The following NIPAL3 variants were observed in gnomAD, a reference collection of about 807,000 sequenced individuals.
NIPAL3 encodes the protein NIPA-like protein 3.
NIPAL3 carries 41 observed loss-of-function variants against 47.2 expected under a neutral mutation model. The observed-to-expected ratio is 0.87, with a 90% CI of 0.68 to 1.13. NIPAL3 has a LOEUF of 1.13. Ranked by LOEUF, NIPAL3 falls within the 50% of genes most tolerant of loss-of-function variation. The pLI, the probability that NIPAL3 is intolerant of heterozygous loss-of-function variation, is 0.00. For missense variants in NIPAL3, 449 were observed against 530.1 expected (o/e 0.85, Z 1.50); for synonymous variants, 194 against 209.6 (o/e 0.93, Z 0.64).
At chr1:24,434,815 G>C (rs985454986) in intron 2 of NIPAL3, among the ~76,000 whole-genome samples, 2 of 151,958 alleles carry the variant, frequency 1.3e-5, no homozygotes, top group Non-Finnish European at 2.9e-5. Context: ...TCACAAACAT[G>C]TATAAATTTA....
Position 24,449,244 on chromosome 1 carries a change from G to A in NIPAL3, c.395-237G>A, listed in dbSNP as rs1645815970. On this transcript the variant is annotated intron_variant, in intron 5 of 11. Coordinates refer to ENST00000374399, the MANE Select transcript of NIPAL3 (RefSeq NM_020448.5). This position sits in a 1 kb window ranked among gnomAD's most constrained non-coding sequence, Gnocchi z 4.5. ...TGTTCACTTTGGGAGAATTCCTCAA[G>A]CACTTTTTGTATGCATGTTATACTT... Among the ~76,000 whole-genome samples the A allele has an allele frequency of 6.6e-6, 1 of 152,108 alleles. No individual in the cohort carries two copies. Among genetic ancestry groups the A allele is most frequent in the African/African-American group, 2.4e-5 (1 of 41,410 alleles).
At chr1:24,442,521 CAG>C (rs1310225922) in intron 4 of NIPAL3, among the ~76,000 whole-genome samples, 12 of 152,204 alleles carry the variant, frequency 7.9e-5, no homozygotes, top group Admixed American at 6.5e-4. Context: ...TAGTGAGTAA[CAG>C]GGCTGGGATA....
At chr1:24,425,868 G>GC (rs1243960732) in intron 2 of NIPAL3, among the ~76,000 whole-genome samples, 1 of 152,090 alleles carries the variant, frequency 6.6e-6, no homozygotes, top group Admixed American at 6.5e-5. Flanking sequence ...GCCTTCCAGC[G>GC]CAAGTGTCAC....
At chr1:24,448,006 C>T (rs1645753282) in intron 5 of NIPAL3, among the ~76,000 whole-genome samples, 1 of 152,238 alleles carries the variant, frequency 6.6e-6, no homozygotes, top group Non-Finnish European at 1.5e-5. Context: ...GAGTAAGACC[C>T]ATCCCTGCCT....
chr1:24,468,554 G>T (rs1303032204), intron 11 of NIPAL3, among the ~76,000 whole-genome samples: 1 of 152,188 alleles, frequency 6.6e-6, no homozygotes, highest in Non-Finnish European at 1.5e-5. Context: ...GGATGCATCT[G>T]TCACCTTCAG....
At position 24,416,244 on chromosome 1, in the gene NIPAL3, G is replaced by C; in HGVS notation, c.-258+340G>C. On this transcript the variant is annotated intron_variant, in intron 1 of 11. Coordinates refer to ENST00000374399, the MANE Select transcript of NIPAL3 (RefSeq NM_020448.5). This position sits in a 1 kb window ranked among gnomAD's most constrained non-coding sequence, Gnocchi z 4.8. ...GGTGGAGTTAGCAGGTGGGATGAGG[G>C]GAGGCGTTCTTGGTCTAAGCCCGCT... The C allele has an allele frequency of 1.0e-6, 1 of 985,510 alleles. No homozygotes were observed. The highest frequency in any genetic ancestry group is 1.2e-6 in the Non-Finnish European group (1 of 830,024). The allele number at this position is 985,510 out of a possible 1,614,324, so 61.0% of individuals were successfully genotyped here.
At chr1:24,453,927 C>T in intron 7 of NIPAL3, 1 of 425,114 alleles carries the variant, frequency 2.4e-6, no homozygotes, top group Non-Finnish European at 4.6e-6. Context: ...AAAGGTAAAA[C>T]TAGATTTTGT....
intron 2 of NIPAL3, among the ~76,000 whole-genome samples, chr1:24,421,082 C>G (rs190371704): frequency 9.2e-5 from 14 of 152,124 alleles, no homozygotes; most frequent in Non-Finnish European, 1.6e-4. Flanking sequence ...CTTTGGGAAG[C>G]CAAGACGGGT....
chr1:24,445,734 T>TC lies in NIPAL3; in HGVS notation c.394+496dup, dbSNP rs920707370. On this transcript the variant is annotated intron_variant, in intron 5 of 11. Transcript: ENST00000374399. The stretch of plus-strand genomic sequence containing the variant: ...AGCTCCCAGTCAGACCTTGGGCGGG[T>TC]CCCCCCAAGAAACACTTGGGTTTAC... Among the ~76,000 whole-genome samples the TC allele has an allele frequency of 6.6e-5, 10 of 151,862 alleles. No individual in the cohort carries two copies. The East Asian group carries it at 1.9e-3, about 29-fold the overall frequency.
chr1:24,449,489 G>A lies in NIPAL3; in HGVS notation c.403G>A (p.Val135Ile), dbSNP rs767925641. 21 of 1,613,370 alleles carry A rather than the reference G, an allele frequency of 1.3e-5. No individual in the cohort carries two copies. The highest frequency in any genetic ancestry group is 1.8e-5 in the Non-Finnish European group (21 of 1,180,026). ...GCCTCTCTTCCCCGCAGGGCGCTAC[G>A]TCTTGTCCTTTGTTGGCTGCGGTTT... is the stretch of plus-strand genomic sequence containing the variant. The part of the protein sequence containing the change: ...WKPKDFLRRY[V>I]LSFVGCGLAV... The change falls in exon 6 of 12, where the codon GTC becomes ATC. Residue 135 changes from valine to isoleucine, a missense_variant. Physicochemically the swap from Val to Ile is conservative, Grantham distance 29 (BLOSUM62 3). Coordinates refer to ENST00000374399, the MANE Select transcript of NIPAL3 (RefSeq NM_020448.5). This position sits in a 1 kb window ranked among gnomAD's most constrained non-coding sequence, Gnocchi z 4.5.
chr1:24,442,366 A>T, intron 4 of NIPAL3, 140 bp downstream of exon 4: 1 of 833,458 alleles, frequency 1.2e-6, no homozygotes, highest in Non-Finnish European at 1.8e-6. Flanking sequence ...GGCTTCAGAC[A>T]CACCAGGCCC....
intron 10 of NIPAL3, among the ~76,000 whole-genome samples, chr1:24,461,865 CA>C (rs527764112): frequency 2.0e-3 from 261 of 131,460 alleles, no homozygotes; most frequent in East Asian, 8.1e-3. Context: ...AAGTCTGTCT[CA>C]AAAAAAAAAA....
At chr1:24,434,510 A>G (rs1217909331) in intron 2 of NIPAL3, among the ~76,000 whole-genome samples, 1 of 152,182 alleles carries the variant, frequency 6.6e-6, no homozygotes, top group Non-Finnish European at 1.5e-5. Flanking sequence ...CGTATACCCC[A>G]CTTTTACTAA....
intron 10 of NIPAL3, among the ~76,000 whole-genome samples, chr1:24,461,927 CA>C (rs1646491096): frequency 6.6e-6 from 1 of 151,872 alleles, no homozygotes; most frequent in Non-Finnish European, 1.5e-5. Flanking sequence ...ATTCTTTACC[CA>C]AAAGAAAGAG....
At chr1:24,461,736 G>A (rs1253279370) in intron 10 of NIPAL3, among the ~76,000 whole-genome samples, 2 of 151,636 alleles carry the variant, frequency 1.3e-5, no homozygotes, top group African/African-American at 4.8e-5. Flanking sequence ...AGGCATGGTG[G>A]CAGGCACCTG....
At chr1:24,457,736 T>C (rs776775742) in intron 8 of NIPAL3, 2 of 533,206 alleles carry the variant, frequency 3.8e-6, no homozygotes, top group South Asian at 2.8e-5. Context: ...CTACTCAGCT[T>C]CTCCAAGACA....
At chr1:24,462,612 C>T (rs1646522487) in intron 10 of NIPAL3, among the ~76,000 whole-genome samples, 1 of 151,524 alleles carries the variant, frequency 6.6e-6, no homozygotes, top group South Asian at 2.1e-4. Flanking sequence ...ACTAAAAATA[C>T]AAAAATTAGC....
At position 24,416,413 on chromosome 1, in the gene NIPAL3, T is replaced by C; in HGVS notation, c.-258+509T>C. ...GCGCTCACCTCCAGAAGCCAGATCG[T>C]CGGGTGGTGGGAAAGAGCGTGTTTT... On this transcript the variant is annotated intron_variant, in intron 1 of 11. Coordinates refer to ENST00000374399, the MANE Select transcript of NIPAL3 (RefSeq NM_020448.5). This position sits in a 1 kb window ranked among gnomAD's most constrained non-coding sequence, Gnocchi z 4.8. 1 of 853,070 alleles carries C rather than the reference T, an allele frequency of 1.2e-6. No homozygotes were observed. The highest frequency in any genetic ancestry group is 5.4e-5 in the South Asian group (1 of 18,672). 52.8% of individuals were successfully genotyped at this position (853,070 alleles called of 1,614,324 possible).
At chr1:24,445,113 G>A (rs1239041631) in intron 4 of NIPAL3, 72 bp from the exon 5 acceptor site, 8 of 1,036,576 alleles carry the variant, frequency 7.7e-6, no homozygotes, top group Non-Finnish European at 1.2e-5. Flanking sequence ...GCCACCCAGA[G>A]GGCATGGGTG....
Sources: allele counts gnomAD v4.1 joint callset (sites outside exome capture counted in the v4.1 genomes callset), GRCh38; gene constraint gnomAD v4.1.1; non-coding constraint Gnocchi (gnomAD v3.1); transcripts MANE v1.5; gene names NCBI Gene and HGNC (gene_info 2026-07-23, HGNC 2026-07-21).